The following BAZ2B variants were observed in gnomAD, a reference collection of about 807,000 sequenced individuals.
The protein encoded by BAZ2B is bromodomain adjacent to zinc finger domain protein 2B.
A neutral mutation model predicts 246.0 loss-of-function variants in BAZ2B; 91 were observed. The ratio of observed to expected loss-of-function variants is 0.37; its 90% CI spans 0.31 to 0.44. The LOEUF is 0.44. Ranked by LOEUF, BAZ2B falls within the 20% of genes least tolerant of loss-of-function variation. The probability of loss-of-function intolerance (pLI) is 1.00; values close to 1 mark genes in which losing one functional copy is unlikely to be tolerated. For missense variants in BAZ2B, 2,332 were observed against 2,533.7 expected (o/e 0.92, Z 1.71); for synonymous variants, 855 against 860.0 (o/e 0.99, Z 0.10).
the BAZ2B span, chr2:159,712,267 G>C: frequency 1.3e-5 from 2 of 152,182 alleles, no homozygotes; most frequent in African/African-American, 4.8e-5. Flanking sequence ...CCGCACACTC[G>C]CCAGCCCAGC....
At chr2:159,490,399 C>G (rs910904212) in intron 2 of BAZ2B, among the ~76,000 whole-genome samples, 2 of 152,136 alleles carry the variant, frequency 1.3e-5, no homozygotes, top group African/African-American at 4.8e-5. Context: ...ATGGGTATGA[C>G]CCATCTAACC....
intron 13 of BAZ2B, among the ~76,000 whole-genome samples, chr2:159,413,259 T>C (rs2067111436): frequency 6.6e-6 from 1 of 152,228 alleles, no homozygotes; most frequent in South Asian, 2.1e-4. Flanking sequence ...GCAAAATCCA[T>C]TCTGTGGGAA....
intron 11 of BAZ2B, among the ~76,000 whole-genome samples, chr2:159,428,753 C>G (rs993389019): frequency 6.6e-6 from 1 of 152,014 alleles, no homozygotes; most frequent in African/African-American, 2.4e-5. Context: ...TAAAGTAAAC[C>G]TGGCTCTCTG....
At chr2:159,498,647 A>C (rs2151083824) in intron 2 of BAZ2B, among the ~76,000 whole-genome samples, 1 of 152,306 alleles carries the variant, frequency 6.6e-6, no homozygotes, top group East Asian at 1.9e-4. Context: ...CTAGGGACCA[A>C]GTTTTCTCCT....
chr2:159,319,234 A>G lies in BAZ2B; in HGVS notation c.*1031T>C, dbSNP rs1331468144. 1 of 152,684 alleles carries G rather than the reference A, an allele frequency of 6.5e-6. No individual in the cohort carries two copies. Among genetic ancestry groups the G allele is most frequent in the East Asian group, 1.9e-4 (1 of 5,200 alleles). The allele number at this position is 152,684 out of a possible 1,614,324, so 9.5% of individuals were successfully genotyped here. A position where few individuals can be genotyped will look rare whatever the true frequency, so the allele number is the denominator to read the frequency against. On this transcript the variant is annotated 3_prime_UTR_variant, in exon 37 of 37. Coordinates refer to ENST00000392783, the MANE Select transcript of BAZ2B (RefSeq NM_013450.4). The surrounding 1 kb of genome is among the most constrained non-coding windows in gnomAD (Gnocchi z 4.0). ...CAAATGGGAGGGAAATGTTTCTATGAAAAAATACTGTGTGCGTAGGAAATT... is the reference window on the plus strand; with the variant it reads ...CAAATGGGAGGGAAATGTTTCTATGGAAAAATACTGTGTGCGTAGGAAATT...
At chr2:159,625,726 C>T in the BAZ2B span, among the ~76,000 whole-genome samples, 1 of 152,116 alleles carries the variant, frequency 6.6e-6, no homozygotes, top group African/African-American at 2.4e-5. Flanking sequence ...CAAAAACATA[C>T]CAAATTGGAA....
the BAZ2B span, among the ~76,000 whole-genome samples, chr2:159,704,719 T>C: frequency 6.6e-6 from 1 of 152,020 alleles, no homozygotes; most frequent in South Asian, 2.1e-4. Context: ...TGAATTCAGG[T>C]GGTCCACCCG....
intron 2 of BAZ2B, chr2:159,536,281 AAAAC>A (rs1484989662): frequency 6.6e-6 from 1 of 152,166 alleles, no homozygotes; most frequent in Non-Finnish European, 1.5e-5. Context: ...AGTGGAGAAA[AAAAC>A]AAAGAAATCT....
At chr2:159,652,686 C>T in the BAZ2B span, among the ~76,000 whole-genome samples, 8 of 152,076 alleles carry the variant, frequency 5.3e-5, no homozygotes, top group South Asian at 1.0e-3. Context: ...GGTATAAACA[C>T]GATTTACTAA....
rs1156978730 is a variant in BAZ2B at position 159,519,670 on chromosome 2, C to CTTTT, written c.-3+36149_-3+36152dup. Among the ~76,000 whole-genome samples, 81 of 98,264 alleles carry CTTTT rather than the reference C, an allele frequency of 8.2e-4. 1 individual carries two copies. Among genetic ancestry groups the CTTTT allele is most frequent in the Non-Finnish European group, 1.2e-3 (59 of 47,942 alleles). The allele number at this position is 98,264 out of a possible 152,430, so 64.5% of individuals were successfully genotyped here. ...CAGACAATTATAAGGGACCTTTCTT[C>CTTTT]TTTTTTTTTTTTTTTTTTTTGAGAC... On this transcript the variant is annotated intron_variant, in intron 2 of 36. Transcript: ENST00000392783.
At chr2:159,690,169 C>G in the BAZ2B span, 3 of 472,870 alleles carry the variant, frequency 6.3e-6, no homozygotes, top group South Asian at 2.1e-5. Flanking sequence ...TTCCTTGGAT[C>G]CTGGTGACTA....
At chr2:159,526,687 G>A (rs571095126) in intron 2 of BAZ2B, among the ~76,000 whole-genome samples, 184 of 152,186 alleles carry the variant, frequency 1.2e-3, no homozygotes, top group African/African-American at 4.3e-3. Context: ...CCAGTCATGA[G>A]GGAGAAAAAT....
chr2:159,639,628 T>A, the BAZ2B span, among the ~76,000 whole-genome samples: 3 of 152,152 alleles, frequency 2.0e-5, no homozygotes, highest in Admixed American at 2.0e-4. Flanking sequence ...CAGTTTAAAA[T>A]AGTGGGTTAT....
At chr2:159,621,830 G>A in the BAZ2B span, among the ~76,000 whole-genome samples, 1 of 151,652 alleles carries the variant, frequency 6.6e-6, no homozygotes, top group Non-Finnish European at 1.5e-5. Context: ...TAGGTGCCGG[G>A]TATGGTAGCT....
the BAZ2B span, among the ~76,000 whole-genome samples, chr2:159,658,842 T>C: frequency 2.6e-5 from 4 of 152,214 alleles, no homozygotes; most frequent in Admixed American, 2.6e-4. Flanking sequence ...ATTGAACAGA[T>C]GGGGTCTCCC....
the BAZ2B span, among the ~76,000 whole-genome samples, chr2:159,646,926 T>C: frequency 5.3e-5 from 8 of 152,232 alleles, no homozygotes; most frequent in Non-Finnish European, 1.2e-4. Context: ...ATTCTATTCA[T>C]GATTATTTAT....
chr2:159,382,953 A>C, intron 24 of BAZ2B, 151 bp from the exon 25 acceptor site: 1 of 1,100,156 alleles, frequency 9.1e-7, no homozygotes, highest in Non-Finnish European at 1.2e-6. Context: ...AGAATTAGGA[A>C]ACTTAAGAAA....
chr2:159,691,056 G>C, the BAZ2B span, among the ~76,000 whole-genome samples: 1 of 151,982 alleles, frequency 6.6e-6, no homozygotes, highest in African/African-American at 2.4e-5. Context: ...TCAAAGGTGT[G>C]TATATATATT....
intron 1 of BAZ2B, among the ~76,000 whole-genome samples, chr2:159,597,629 C>T (rs1167971798): frequency 2.6e-5 from 4 of 152,180 alleles, no homozygotes; most frequent in Non-Finnish European, 4.4e-5. Context: ...TAGGTTCAAG[C>T]GATTCTCCTG....
Sources: gnomAD v4.1 joint callset for allele counts (sites outside exome capture counted in the v4.1 genomes callset) on GRCh38, gnomAD v4.1.1 for gene constraint, Gnocchi (gnomAD v3.1) non-coding constraint, MANE v1.5 for transcripts, NCBI Gene and HGNC (gene_info 2026-07-23, HGNC 2026-07-21) for gene names.